SS18: variants seen among roughly 807,000 people sequenced by gnomAD.
The protein encoded by SS18 is protein SSXT.
SS18 carries 28 observed loss-of-function variants against 72.5 expected under a neutral mutation model. The ratio of observed to expected loss-of-function variants is 0.39; its 90% CI spans 0.29 to 0.53. The LOEUF (loss-of-function observed/expected upper bound fraction) is 0.53. Ranked by LOEUF, SS18 falls within the 20% of genes least tolerant of loss-of-function variation. The pLI is 0.76. For missense variants in SS18, 518 were observed against 535.3 expected (o/e 0.97, Z 0.32); for synonymous variants, 172 against 164.2 (o/e 1.05, Z -0.37).
intron 3 of SS18, among the ~76,000 whole-genome samples, chr18:26,072,729 G>A (rs553935951): frequency 8.8e-4 from 125 of 142,772 alleles, no homozygotes; most frequent in African/African-American, 3.2e-3. Flanking sequence ...CCCAAGAGGA[G>A]GAGCTTGCAG....
At chr18:26,071,091 T>G (rs941474707) in intron 3 of SS18, among the ~76,000 whole-genome samples, 2 of 152,166 alleles carry the variant, frequency 1.3e-5, no homozygotes, top group Non-Finnish European at 2.9e-5. Context: ...TGGAAAAGTC[T>G]GAAGGGATTA....
In SS18 at chr18:26,035,971, G is replaced by T; in HGVS notation, c.881-48C>A. The T allele has an allele frequency of 9.0e-7, 1 of 1,113,204 alleles. No individual in the cohort carries two copies. Among genetic ancestry groups the T allele is most frequent in the Non-Finnish European group, 1.3e-6 (1 of 759,464 alleles). The allele number at this position is 1,113,204 out of a possible 1,614,324, so 69.0% of individuals were successfully genotyped here. ...AGGAAGAAACGTTAATGGCCACTGAGTGAAAACCCTAAAAATATTTAAACT... is the reference window on the plus strand; with the variant it reads ...AGGAAGAAACGTTAATGGCCACTGATTGAAAACCCTAAAAATATTTAAACT... On this transcript the variant is annotated intron_variant, in intron 7 of 10. Transcript: ENST00000415083. This position sits in a 1 kb window ranked among gnomAD's most constrained non-coding sequence, Gnocchi z 4.4.
chr18:26,033,406 C>T (rs983336971), intron 9 of SS18, among the ~76,000 whole-genome samples: 2 of 151,308 alleles, frequency 1.3e-5, no homozygotes, highest in Admixed American at 6.6e-5. Flanking sequence ...CCCAGCTACT[C>T]GGGAGGTTGA....
At chr18:26,018,502 C>CA in intron 10 of SS18, 122 bp from the exon 11 acceptor site, 1 of 671,892 alleles carries the variant, frequency 1.5e-6, no homozygotes, top group East Asian at 2.9e-5. Flanking sequence ...CTACAATAAA[C>CA]AAAATTTTTT....
At position 26,064,191 on chromosome 18, in the gene SS18, A is replaced by G. The variant is rs73944453; in HGVS notation, c.232-6449T>C. ...TTTCCCTGAAGTAATCTCCTGACTC[A>G]GATACCTTCAATAGAGAATTCTTCT... On this transcript the variant is annotated intron_variant, in intron 3 of 10. Coordinates refer to ENST00000415083, the MANE Select transcript of SS18 (RefSeq NM_001007559.3). Among the ~76,000 whole-genome samples, 691 of 152,240 alleles carry G rather than the reference A, an allele frequency of 4.5e-3. 3 individuals carry two copies. Among genetic ancestry groups the G allele is most frequent in the African/African-American group, 0.015 (631 of 41,562 alleles).
intron 5 of SS18, among the ~76,000 whole-genome samples, chr18:26,044,726 G>T (rs72878222): frequency 0.018 from 2,787 of 151,944 alleles, 48 homozygotes; most frequent in Non-Finnish European, 0.028. Flanking sequence ...TTACTTAATT[G>T]GGATTTCCTG....
chr18:26,031,769 G>A (rs776147792), intron 10 of SS18, among the ~76,000 whole-genome samples: 5 of 152,196 alleles, frequency 3.3e-5, no homozygotes, highest in Non-Finnish European at 5.9e-5. Flanking sequence ...AGTTACGTGT[G>A]TGGAAGGAGG....
rs1374329603 is a variant in SS18 at position 26,035,641 on chromosome 18, G to T, written c.973+190C>A. ...TTTTTATTATTGTTAGAAATGGCAA[G>T]TCATGGTTATACATTTTAAATATTT... On this transcript the variant is annotated intron_variant, in intron 8 of 10. Coordinates refer to ENST00000415083, the MANE Select transcript of SS18 (RefSeq NM_001007559.3). The surrounding 1 kb of genome is among the most constrained non-coding windows in gnomAD (Gnocchi z 4.4). The T allele has an allele frequency of 4.9e-6, 2 of 409,304 alleles. No homozygotes were observed. The highest frequency in any genetic ancestry group is 8.6e-6 in the Non-Finnish European group (2 of 231,994). The allele number at this position is 409,304 out of a possible 1,614,324, so 25.4% of individuals were successfully genotyped here.
chr18:26,090,629 G>GGA, upstream of SS18: 1 of 1,513,936 alleles, frequency 6.6e-7, no homozygotes, highest in Non-Finnish European at 8.9e-7. Context: ...GCAAACTGGG[G>GGA]GAGAGACGCC....
chr18:26,040,878 G>A (rs1249332517), intron 5 of SS18, among the ~76,000 whole-genome samples: 1 of 152,128 alleles, frequency 6.6e-6, no homozygotes, highest in Non-Finnish European at 1.5e-5. Flanking sequence ...GGTGAGAGTA[G>A]AGGCGAAGAG....
intron 3 of SS18, among the ~76,000 whole-genome samples, chr18:26,062,443 A>G (rs2054140055): frequency 6.6e-6 from 1 of 152,204 alleles, no homozygotes; most frequent in Non-Finnish European, 1.5e-5. Flanking sequence ...AAAGATGTAC[A>G]CTGTAAAATT....
intron 3 of SS18, among the ~76,000 whole-genome samples, chr18:26,076,811 A>G (rs1387171789): frequency 6.6e-6 from 1 of 152,002 alleles, no homozygotes; most frequent in Non-Finnish European, 1.5e-5. Flanking sequence ...AATGACTGCA[A>G]GGGATTTAAA....
chr18:26,082,399 C>A (rs1215316354), intron 2 of SS18: 4 of 959,440 alleles, frequency 4.2e-6, no homozygotes, highest in Non-Finnish European at 3.7e-6. Flanking sequence ...AACGGGAATG[C>A]ACTTTATAGA....
chr18:26,040,163 CA>C (rs1334430480), intron 5 of SS18, among the ~76,000 whole-genome samples: 2 of 152,166 alleles, frequency 1.3e-5, no homozygotes, highest in African/African-American at 4.8e-5. Flanking sequence ...AGACATGCAA[CA>C]AGCTGTAGGC....
intron 1 of SS18, among the ~76,000 whole-genome samples, chr18:26,088,726 G>A (rs1420511100): frequency 6.6e-6 from 1 of 152,110 alleles, no homozygotes; most frequent in Non-Finnish European, 1.5e-5. Flanking sequence ...AAGATCAAGG[G>A]ACTCAGGATA....
At chr18:26,060,955 CA>C (rs768913124) in intron 3 of SS18, among the ~76,000 whole-genome samples, 246 of 91,758 alleles carry the variant, frequency 2.7e-3, no homozygotes, top group Admixed American at 4.9e-3. Context: ...AACTTTGTCT[CA>C]AAAAAAAAAA....
chr18:26,046,150 C>T (rs896410054), intron 5 of SS18, among the ~76,000 whole-genome samples: 108 of 142,408 alleles, frequency 7.6e-4, no homozygotes, highest in African/African-American at 2.8e-3. Context: ...CAAGATTGCA[C>T]CACTGCACTC....
intron 10 of SS18, among the ~76,000 whole-genome samples, chr18:26,021,716 A>G (rs1387762041): frequency 6.6e-6 from 1 of 152,220 alleles, no homozygotes; most frequent in Non-Finnish European, 1.5e-5. Flanking sequence ...TTTGTCATTT[A>G]TTAGACAAGG....
At chr18:26,034,112 G>C (rs2053588393) in intron 9 of SS18, among the ~76,000 whole-genome samples, 1 of 152,128 alleles carries the variant, frequency 6.6e-6, no homozygotes, top group South Asian at 2.1e-4. Context: ...ATCTGACTGA[G>C]TTTCAACACG....
Sources: gnomAD v4.1 joint callset for allele counts (sites outside exome capture counted in the v4.1 genomes callset) on GRCh38, gnomAD v4.1.1 for gene constraint, Gnocchi (gnomAD v3.1) non-coding constraint, MANE v1.5 for transcripts, NCBI Gene and HGNC (gene_info 2026-07-23, HGNC 2026-07-21) for gene names.